Variants in CPE observed in about 807,000 individuals in gnomAD.
The protein encoded by CPE is carboxypeptidase E.
In CPE, 17 loss-of-function variants were observed where a neutral mutation model predicts 53.5. That is an observed-to-expected ratio of 0.32 (90% CI 0.22 to 0.48). CPE has a LOEUF of 0.48. Ranked by LOEUF, CPE falls within the 20% of genes least tolerant of loss-of-function variation. The probability of loss-of-function intolerance (pLI) is 0.99; values close to 1 mark genes in which losing one functional copy is unlikely to be tolerated. For missense variants in CPE, 524 were observed against 614.7 expected, an observed-to-expected ratio of 0.85 and a Z score of 1.56; for synonymous variants, 226 against 228.8, an observed-to-expected ratio of 0.99 and a Z score of 0.11.
chr4:165,430,462 T>TGA (rs777399182), intron 1 of CPE, among the ~76,000 whole-genome samples: 44,826 of 152,088 alleles, frequency 0.29, 6,680 homozygotes, highest in Middle Eastern at 0.39. Context: ...ACTGACATTT[T>TGA]ATTGGTAATA....
chr4:165,482,624 A>C (rs1056564813), intron 4 of CPE, among the ~76,000 whole-genome samples: 1 of 152,218 alleles, frequency 6.6e-6, no homozygotes, highest in Non-Finnish European at 1.5e-5. Flanking sequence ...AAGGGAGAAA[A>C]CACACGTCAT....
chr4:165,382,218 A>T (rs535021111), intron 1 of CPE, among the ~76,000 whole-genome samples: 8 of 151,724 alleles, frequency 5.3e-5, no homozygotes, highest in Non-Finnish European at 1.2e-4. Flanking sequence ...ACAGTAGGTC[A>T]GCAGGTCAGG....
At chr4:165,401,911 G>A (rs985616488) in intron 1 of CPE, among the ~76,000 whole-genome samples, 2 of 152,100 alleles carry the variant, frequency 1.3e-5, no homozygotes, top group Non-Finnish European at 2.9e-5. Flanking sequence ...AGTAGGGGTC[G>A]GGAGGCTGGG....
rs1491201569 is a variant in CPE at position 165,436,214 on chromosome 4, ACG to A, written c.308-28175_308-28174del. On this transcript the variant is annotated intron_variant, in intron 1 of 8. Transcript: ENST00000402744. The stretch of plus-strand genomic sequence containing the variant: ...CATACACACACACACACACACACAC[ACG>A]TGTGCACAGAATCCAAGTTCTCTTT... Among the ~76,000 whole-genome samples the A allele has an allele frequency of 1.4e-4, 21 of 148,498 alleles. No individual in the cohort carries two copies. The East Asian group carries it at 2.4e-3, about 17-fold the overall frequency.
rs886349535 is a variant in CPE at position 165,382,460 on chromosome 4, A to C, written c.307+2932A>C. On this transcript the variant is annotated intron_variant, in intron 1 of 8. Transcript: ENST00000402744. ...AATATTGAACTTAAGAAATGTGTTT[A>C]CTTGACTGAAATTTTGAGGTGAAAT... 2.0e-5 allele frequency among the ~76,000 whole-genome samples: 3 copies of C among 152,208 alleles called. 1 individual carries two copies. In the South Asian group the frequency reaches 6.2e-4, roughly 31 times the overall value.
intron 5 of CPE, among the ~76,000 whole-genome samples, chr4:165,486,945 C>T (rs1295664049): frequency 6.6e-6 from 1 of 152,144 alleles, no homozygotes; most frequent in East Asian, 1.9e-4. Flanking sequence ...TCATCATTTT[C>T]CTTGATTGAC....
At chr4:165,386,119 T>C in intron 1 of CPE, 1 of 395,132 alleles carries the variant, frequency 2.5e-6, no homozygotes, top group South Asian at 2.0e-5. Flanking sequence ...ATCTCCCAAA[T>C]TCATCACCTA....
rs942254574 is a variant in CPE at position 165,404,580 on chromosome 4, C to T, written c.307+25052C>T. The T allele has an allele frequency of 2.0e-5, 21 of 1,041,338 alleles. No homozygotes were observed. The East Asian group carries it at 3.1e-4, about 15-fold the overall frequency. The allele number at this position is 1,041,338 out of a possible 1,614,324, so 64.5% of individuals were successfully genotyped here. ...TTGGCCACATGTTTCGCTACATCCA[C>T]GCCAACTTCATCCACCAGTGTGGCG... On this transcript the variant is annotated intron_variant, in intron 1 of 8. Coordinates refer to ENST00000402744, the MANE Select transcript of CPE (RefSeq NM_001873.4).
At position 165,379,569 on chromosome 4, in the gene CPE, A is replaced by C; in HGVS notation, c.307+41A>C. The C allele has an allele frequency of 3.0e-6, 3 of 997,210 alleles. No homozygotes were observed. In the South Asian group the frequency reaches 6.6e-5, roughly 22 times the overall value. 61.8% of individuals were successfully genotyped at this position (997,210 alleles called of 1,614,324 possible). A position where few individuals can be genotyped will look rare whatever the true frequency, so the allele number is the denominator to read the frequency against. On this transcript the variant is annotated intron_variant, in intron 1 of 8. Transcript: ENST00000402744. The surrounding 1 kb of genome is among the most constrained non-coding windows in gnomAD (Gnocchi z 6.0). ...CCTGACAGCCCTGGGGGCATCCCGGAGGGGGGCGGCAGAGGGTGGGACTGG... is the reference window on the plus strand; with the variant it reads ...CCTGACAGCCCTGGGGGCATCCCGGCGGGGGGCGGCAGAGGGTGGGACTGG...
chr4:165,454,703 A>C (rs1255647441), intron 1 of CPE, among the ~76,000 whole-genome samples: 1 of 152,212 alleles, frequency 6.6e-6, no homozygotes, highest in Non-Finnish European at 1.5e-5. Context: ...GAAATGGACT[A>C]GTGTTTTTCC....
In CPE at chr4:165,379,215, C is replaced by G. The variant is rs1730459699; in HGVS notation, c.-7C>G. 2.4e-6 allele frequency: 3 copies of G among 1,227,934 alleles called. No homozygotes were observed. Among genetic ancestry groups the G allele is most frequent in the African/African-American group, 3.1e-5 (2 of 63,770 alleles). The allele number at this position is 1,227,934 out of a possible 1,614,324, so 76.1% of individuals were successfully genotyped here. A position where few individuals can be genotyped will look rare whatever the true frequency, so the allele number is the denominator to read the frequency against. On this transcript the variant is annotated 5_prime_UTR_variant, in exon 1 of 9. Coordinates refer to ENST00000402744, the MANE Select transcript of CPE (RefSeq NM_001873.4). This position sits in a 1 kb window ranked among gnomAD's most constrained non-coding sequence, Gnocchi z 6.0. ...GAAGGCACGGCCGGCGGCGGCGGAG[C>G]GCAGCGATGGCCGGGCGAGGGGGCA...
chr4:165,469,850 A>G (rs923485256), intron 3 of CPE, among the ~76,000 whole-genome samples: 1 of 152,194 alleles, frequency 6.6e-6, no homozygotes, highest in African/African-American at 2.4e-5. Flanking sequence ...GGCCACTGCA[A>G]GTAAGCAGAC....
At position 165,387,272 on chromosome 4, in the gene CPE, T is replaced by TTTTTTTTA. The variant is rs1560866219; in HGVS notation, c.307+7744_307+7745insTTTTTTTA. ...ACATGTGGAGTATTAAAGAGATGGC[T>TTTTTTTTA]GTTAAGCAAAGATAAATGAATTACT... On this transcript the variant is annotated intron_variant, in intron 1 of 8. Transcript: ENST00000402744. Among the ~76,000 whole-genome samples, 16 of 152,334 alleles carry TTTTTTTTA rather than the reference T, an allele frequency of 1.1e-4. No individual in the cohort carries two copies. In the South Asian group the frequency reaches 3.1e-3, roughly 30 times the overall value.
chr4:165,431,792 A>G (rs555282673), intron 1 of CPE, among the ~76,000 whole-genome samples: 2 of 152,304 alleles, frequency 1.3e-5, no homozygotes, highest in Admixed American at 1.3e-4. Context: ...TGTGATAAGG[A>G]GCCACAGAGT....
chr4:165,450,285 A>G (rs923566307), intron 1 of CPE, among the ~76,000 whole-genome samples: 7 of 152,188 alleles, frequency 4.6e-5, no homozygotes, highest in Non-Finnish European at 8.8e-5. Context: ...GCTACTGTGT[A>G]TCTGTTTATC....
rs558211455 is a variant in CPE, at chr4:165,451,102, C to T, written c.308-13288C>T. Among the ~76,000 whole-genome samples the T allele has an allele frequency of 7.2e-5, 11 of 152,248 alleles. No homozygotes were observed. The South Asian group carries it at 1.5e-3, about 20-fold the overall frequency. On this transcript the variant is annotated intron_variant, in intron 1 of 8. Transcript: ENST00000402744. ...CTCTCAGGCCCCACTCCAGATCTGC[C>T]GAATTGGAATCTGCATTTTAATAGG...
chr4:165,497,735 A>T lies in CPE; in HGVS notation c.*125A>T. 1 of 424,020 alleles carries T rather than the reference A, an allele frequency of 2.4e-6. No homozygotes were observed. The allele number at this position is 424,020 out of a possible 1,614,324, so 26.3% of individuals were successfully genotyped here. On this transcript the variant is annotated 3_prime_UTR_variant, in exon 9 of 9. Transcript: ENST00000402744. Reference sequence around the variant, plus strand: ...TTTATTTTTTAATCATTTAAATATTAATCAACTTTCCTTAAAATAAATAGC... The same window carrying T: ...TTTATTTTTTAATCATTTAAATATTTATCAACTTTCCTTAAAATAAATAGC...
chr4:165,424,879 C>CTTTTTTT (rs777344411), intron 1 of CPE, among the ~76,000 whole-genome samples: 32,506 of 136,302 alleles, frequency 0.24, 4,366 homozygotes, highest in East Asian at 0.32. Flanking sequence ...AAAGTAGAAA[C>CTTTTTTT]TTTTTTTTTT....
At chr4:165,409,227 G>A (rs1266299298) in intron 1 of CPE, among the ~76,000 whole-genome samples, 4 of 152,070 alleles carry the variant, frequency 2.6e-5, no homozygotes, top group South Asian at 4.1e-4. Flanking sequence ...TTTCACCCAC[G>A]CAGTCTCCCT....
Sources: allele counts gnomAD v4.1 joint callset (sites outside exome capture counted in the v4.1 genomes callset), GRCh38; gene constraint gnomAD v4.1.1; non-coding constraint Gnocchi (gnomAD v3.1); transcripts MANE v1.5; gene names NCBI Gene and HGNC (gene_info 2026-07-23, HGNC 2026-07-21).